Variants in SLC5A12 observed in about 807,000 individuals in gnomAD.
SLC5A12 encodes solute carrier family 5 member 12, also known as sodium-coupled monocarboxylate transporter 2.
SLC5A12 carries 46 observed loss-of-function variants against 72.7 expected under a neutral mutation model. The ratio of observed to expected loss-of-function variants is 0.63; its 90% CI spans 0.50 to 0.81. The LOEUF is 0.81. SLC5A12 is among the 30% of genes least tolerant of loss of function. SLC5A12 has a pLI of 0.00. For missense variants in SLC5A12, 683 were observed against 740.7 expected (o/e 0.92, Z 0.90); for synonymous variants, 275 against 264.4 (o/e 1.04, Z -0.39).
Position 26,721,690 on chromosome 11 carries a change from A to T in SLC5A12, c.25T>A (p.Trp9Arg). Residue 9 changes from tryptophan to arginine, a missense_variant, in exon 1 of 15, where the codon TGG (tryptophan) becomes AGG (arginine). Physicochemically the swap from Trp to Arg is moderately radical, Grantham distance 101. Coordinates refer to ENST00000396005, the MANE Select transcript of SLC5A12 (RefSeq NM_178498.4). The part of the protein sequence containing the change: MEVKNFAV[W>R]DYVVFAALFF... ...AGGGCTGCAAATACAACATAATCCC[A>T]AACTGCAAAGTTCTTCACCTCCATA... is the stretch of plus-strand genomic sequence containing the variant. 6.2e-7 allele frequency: 1 copy of T among 1,613,862 alleles called. No homozygotes were observed. The highest frequency in any genetic ancestry group is 8.5e-7 in the Non-Finnish European group (1 of 1,179,926).
At chr11:26,697,316 G>A (rs1288508568) in intron 7 of SLC5A12, 64 bp from the exon 8 acceptor site, 23 of 1,441,616 alleles carry the variant, frequency 1.6e-5, no homozygotes, top group Admixed American at 8.0e-5. Flanking sequence ...GAAAAGAGAA[G>A]AGAGAGAAAA....
Position 26,711,361 on chromosome 11 carries a change from G to A in SLC5A12, c.406-3C>T. On this transcript the variant is annotated splice_region_variant and splice_polypyrimidine_tract_variant and intron_variant, in intron 2 of 14. Transcript: ENST00000396005. ...ACCACCACTCCTGTGTAGAGAATCTGGTAGAGAAACAAGAATCAGATTGGC... is the reference window on the plus strand; with the variant it reads ...ACCACCACTCCTGTGTAGAGAATCTAGTAGAGAAACAAGAATCAGATTGGC... The A allele has an allele frequency of 1.2e-6, 2 of 1,610,764 alleles. No individual in the cohort carries two copies. The highest frequency in any genetic ancestry group is 1.7e-6 in the Non-Finnish European group (2 of 1,177,884).
At chr11:26,720,324 CATAA>C (rs142328311) in intron 1 of SLC5A12, among the ~76,000 whole-genome samples, 5,125 of 145,148 alleles carry the variant, frequency 0.035, 142 homozygotes, top group South Asian at 0.1. Flanking sequence ...AGCCCCATCT[CATAA>C]ATAAATAAAT....
intron 9 of SLC5A12, among the ~76,000 whole-genome samples, chr11:26,690,197 C>A (rs114477913): frequency 1.9e-3 from 288 of 152,018 alleles, no homozygotes; most frequent in African/African-American, 6.6e-3. Flanking sequence ...AGGTTCCATG[C>A]AGTAAACTTT....
chr11:26,691,026 C>T (rs1854657522), intron 9 of SLC5A12, among the ~76,000 whole-genome samples: 1 of 136,766 alleles, frequency 7.3e-6, no homozygotes, highest in Admixed American at 6.8e-5. Flanking sequence ...AACAATAAAG[C>T]TGGGAAGCTG....
In SLC5A12 at chr11:26,686,424, G is replaced by A. The variant is rs373184215; in HGVS notation, c.1221+53C>T. On this transcript the variant is annotated intron_variant, in intron 10 of 14. Transcript: ENST00000396005. ...GAGGAAGAAGCAAGACATTAAAAGA[G>A]AGTGGGGGGAAGTTCCAGTGAAACC... The A allele has an allele frequency of 3.3e-6, 5 of 1,521,142 alleles. No individual in the cohort carries two copies. The Admixed American group carries it at 5.0e-5, about 15-fold the overall frequency. 94.2% of individuals were successfully genotyped at this position (1,521,142 alleles called of 1,614,324 possible).
chr11:26,714,350 T>C (rs1334130691), intron 1 of SLC5A12, among the ~76,000 whole-genome samples: 5 of 152,140 alleles, frequency 3.3e-5, no homozygotes, highest in Non-Finnish European at 7.4e-5. Flanking sequence ...GTCCATACCA[T>C]AGAGGATCTT....
chr11:26,682,925 G>C (rs1565187122), intron 11 of SLC5A12, among the ~76,000 whole-genome samples: 1 of 152,002 alleles, frequency 6.6e-6, no homozygotes, highest in Non-Finnish European at 1.5e-5. Context: ...TAGCCCCACA[G>C]GATTTATCTA....
At chr11:26,690,808 T>A (rs1228107885) in intron 9 of SLC5A12, among the ~76,000 whole-genome samples, 1 of 148,594 alleles carries the variant, frequency 6.7e-6, no homozygotes, top group Admixed American at 6.7e-5. Context: ...AAAAAAAAAA[T>A]TTAGTTTATT....
At position 26,667,050 on chromosome 11, in the gene SLC5A12, A is replaced by T. The variant is rs1854011060; in HGVS notation, c.*4052T>A. On this transcript the variant is annotated 3_prime_UTR_variant, in exon 15 of 15. Coordinates refer to ENST00000396005, the MANE Select transcript of SLC5A12 (RefSeq NM_178498.4). ...TATCAATGACGAGTTACATTTTATT[A>T]GTTTATAAATTTGTATCATTTTCAT... The T allele has an allele frequency of 6.6e-6, 1 of 151,864 alleles. No individual in the cohort carries two copies. Among genetic ancestry groups the T allele is most frequent in the South Asian group, 2.1e-4 (1 of 4,830 alleles). 9.4% of individuals were successfully genotyped at this position (151,864 alleles called of 1,614,324 possible).
chr11:26,684,492 A>G (rs1854483090), intron 10 of SLC5A12, among the ~76,000 whole-genome samples: 1 of 152,150 alleles, frequency 6.6e-6, no homozygotes, highest in Non-Finnish European at 1.5e-5. Flanking sequence ...AAAATATTTG[A>G]CAATCTCTTA....
At chr11:26,711,643 A>C (rs1019184877) in intron 2 of SLC5A12, among the ~76,000 whole-genome samples, 1 of 152,070 alleles carries the variant, frequency 6.6e-6, no homozygotes, top group Non-Finnish European at 1.5e-5. Context: ...AAATAGACTT[A>C]ATTAAGTTTT....
chr11:26,677,123 G>A (rs1854284829), intron 13 of SLC5A12, among the ~76,000 whole-genome samples: 1 of 151,906 alleles, frequency 6.6e-6, no homozygotes, highest in South Asian at 2.1e-4. Context: ...TGGAAGACAG[G>A]GACCAGGAGG....
At position 26,721,750 on chromosome 11, in the gene SLC5A12, G is replaced by T; in HGVS notation, c.-36C>A. 1 of 1,569,420 alleles carries T rather than the reference G, an allele frequency of 6.4e-7. No homozygotes were observed. Among genetic ancestry groups the T allele is most frequent in the Non-Finnish European group, 8.7e-7 (1 of 1,153,210 alleles). On this transcript the variant is annotated 5_prime_UTR_variant, in exon 1 of 15. Transcript: ENST00000396005. The stretch of plus-strand genomic sequence containing the variant: ...ATGACACCAGAGAGTTTCTTTCAAC[G>T]AGGTCTCAGGAAGAAGATGTTTCCA...
At chr11:26,707,007 CA>C (rs1590734520) in intron 4 of SLC5A12, among the ~76,000 whole-genome samples, 1 of 151,812 alleles carries the variant, frequency 6.6e-6, no homozygotes, top group African/African-American at 2.4e-5. Flanking sequence ...CTTTTTCCCA[CA>C]GTATCTCCTC....
Position 26,721,829 on chromosome 11 carries a change from C to A in SLC5A12, c.-115G>T, listed in dbSNP as rs73438444. On this transcript the variant is annotated 5_prime_UTR_variant, in exon 1 of 15. In the 5' UTR this introduces an upstream ATG that the reference lacks. Transcript: ENST00000396005. ...TGCTGAGAGGAGAGACTGTGATTCC[C>A]TGAAGAAAATGATTACCAGAGGCAC... 53,754 of 899,204 alleles carry A rather than the reference C, an allele frequency of 0.06. 2,923 individuals carry two copies. The highest frequency in any genetic ancestry group is 0.24 in the African/African-American group (14,063 of 59,746). The allele number at this position is 899,204 out of a possible 1,614,324, so 55.7% of individuals were successfully genotyped here.
At chr11:26,680,180 T>G (rs1477005036) in intron 12 of SLC5A12, among the ~76,000 whole-genome samples, 1 of 151,186 alleles carries the variant, frequency 6.6e-6, no homozygotes, top group African/African-American at 2.4e-5. Context: ...GAAGTACTTT[T>G]GAGGATACAC....
chr11:26,706,256 T>C (rs1289415765), intron 4 of SLC5A12, among the ~76,000 whole-genome samples: 1 of 49,290 alleles, frequency 2.0e-5, no homozygotes, highest in Admixed American at 2.9e-4. Context: ...ATTGGATTCA[T>C]AGAATGAAAG....
In SLC5A12 at chr11:26,668,475, G is replaced by A. The variant is rs1416347163; in HGVS notation, c.*2627C>T. 1 of 152,064 alleles carries A rather than the reference G, an allele frequency of 6.6e-6. No individual in the cohort carries two copies. The highest frequency in any genetic ancestry group is 1.5e-5 in the Non-Finnish European group (1 of 68,012). The allele number at this position is 152,064 out of a possible 1,614,324, so 9.4% of individuals were successfully genotyped here. A position where few individuals can be genotyped will look rare whatever the true frequency, so the allele number is the denominator to read the frequency against. ...TGGAACTTGTCACTGAACTGTCTTT[G>A]TACTGCACCAGTGGCCTTGGCATGA... On this transcript the variant is annotated 3_prime_UTR_variant, in exon 15 of 15. Coordinates refer to ENST00000396005, the MANE Select transcript of SLC5A12 (RefSeq NM_178498.4).
Sources: gnomAD v4.1 joint callset for allele counts (sites outside exome capture counted in the v4.1 genomes callset) on GRCh38, gnomAD v4.1.1 for gene constraint, MANE v1.5 for transcripts, NCBI Gene and HGNC (gene_info 2026-07-23, HGNC 2026-07-21) for gene names.